KCNU1: variants seen among roughly 807,000 people sequenced by gnomAD.
The protein encoded by KCNU1 is potassium calcium-activated channel subfamily U member 1.
Under a neutral mutation model 126.8 loss-of-function variants are expected in KCNU1, and 93 were observed. The ratio of observed to expected loss-of-function variants is 0.73; its 90% confidence interval spans 0.62 to 0.87. The LOEUF is 0.87. KCNU1 is among the 40% of genes least tolerant of loss of function. The probability of loss-of-function intolerance (pLI) is 0.00; values close to 1 mark genes in which losing one functional copy is unlikely to be tolerated. For synonymous variants in KCNU1, 523 were observed against 494.2 expected (o/e 1.06, Z -0.77); for missense variants, 1,330 against 1,367.1 (o/e 0.97, Z 0.43).
At chr8:36,818,773 T>C (rs547155269) in intron 10 of KCNU1, among the ~76,000 whole-genome samples, 191 of 152,294 alleles carry the variant, frequency 1.3e-3, no homozygotes, top group Admixed American at 6.8e-3. Flanking sequence ...CATTATGACA[T>C]GTTCAATTCA....
intron 18 of KCNU1, among the ~76,000 whole-genome samples, chr8:36,856,335 A>G (rs901614510): frequency 1.3e-5 from 2 of 151,954 alleles, no homozygotes; most frequent in African/African-American, 4.8e-5. Flanking sequence ...GTTAATTTTC[A>G]TGTCTCATGC....
chr8:36,922,382 G>C (rs944711829), intron 23 of KCNU1, 108 bp from the exon 24 acceptor site: 1 of 1,175,334 alleles, frequency 8.5e-7, no homozygotes, highest in Non-Finnish European at 1.2e-6. Context: ...CCCCAAAGTA[G>C]ACATCAGATC....
rs538088480 is a variant in KCNU1, at chr8:36,814,154, ATCT to A, written c.733-49_733-47del. On this transcript the variant is annotated intron_variant, in intron 7 of 26. Transcript: ENST00000399881. ...CTAATGTTTTGCCTATTCTTTAAAA[ATCT>A]TCTCTTGGATTCTATTCAGATGTTT... 275 of 1,428,724 alleles carry A rather than the reference ATCT, an allele frequency of 1.9e-4. 1 individual carries two copies. Among genetic ancestry groups the A allele is most frequent in the Admixed American group, 1.6e-3 (83 of 53,334 alleles). 88.5% of individuals were successfully genotyped at this position (1,428,724 alleles called of 1,614,324 possible). A position where few individuals can be genotyped will look rare whatever the true frequency, so the allele number is the denominator to read the frequency against.
chr8:36,841,419 T>A (rs1314075807), intron 16 of KCNU1, among the ~76,000 whole-genome samples: 2 of 152,170 alleles, frequency 1.3e-5, no homozygotes, highest in Non-Finnish European at 2.9e-5. Flanking sequence ...ATGCTGGGCA[T>A]GGTGGCTCAT....
intron 23 of KCNU1, 125 bp from the exon 24 acceptor site, chr8:36,922,363 CCA>C: frequency 2.1e-6 from 2 of 972,248 alleles, no homozygotes; most frequent in East Asian, 5.1e-5. Context: ...GGGGTTGATC[CCA>C]CAGAGACCCC....
chr8:36,790,580 G>A (rs1336976871), intron 2 of KCNU1, among the ~76,000 whole-genome samples: 1 of 151,976 alleles, frequency 6.6e-6, no homozygotes, highest in Non-Finnish European at 1.5e-5. Context: ...AATTAATTTT[G>A]AAAACTGGAT....
chr8:36,836,263 C>T (rs772810739), intron 12 of KCNU1, 33 bp from the exon 13 acceptor site: 7 of 1,384,728 alleles, frequency 5.1e-6, no homozygotes, highest in Non-Finnish European at 7.2e-6. Flanking sequence ...GGCTATGACA[C>T]ATGACTAATG....
chr8:36,788,622 T>C (rs1415042931), intron 2 of KCNU1, among the ~76,000 whole-genome samples: 1 of 152,194 alleles, frequency 6.6e-6, no homozygotes, highest in African/African-American at 2.4e-5. Context: ...GTTGGAAGTA[T>C]TAAGTAAAAC....
chr8:36,922,591 G>GT lies in KCNU1; in HGVS notation c.2704dup (p.Ser902PhefsTer40), dbSNP rs1176657152. The GT allele has an allele frequency of 1.2e-6, 2 of 1,613,488 alleles. No homozygotes were observed. Among genetic ancestry groups the GT allele is most frequent in the Admixed American group, 1.7e-5 (1 of 59,940 alleles). ...CAGCACTGCCTTTTCTACGGGCACT[G>GT]TTTTTTCCGGCAGCTTCTTGGATTC... On this transcript the variant is annotated frameshift_variant, in exon 24 of 27. Transcript: ENST00000399881. LOFTEE classifies it high-confidence loss of function.
At chr8:36,927,495 C>T (rs562353551) in intron 24 of KCNU1, among the ~76,000 whole-genome samples, 40 of 152,160 alleles carry the variant, frequency 2.6e-4, no homozygotes, top group Non-Finnish European at 4.9e-4. Context: ...GGAGCACTTT[C>T]CCTTACTTCT....
At position 36,918,947 on chromosome 8, in the gene KCNU1, A is replaced by G. The variant is rs373728552; in HGVS notation, c.2596+50A>G. The G allele has an allele frequency of 1.7e-5, 19 of 1,136,376 alleles. No homozygotes were observed. In the African/African-American group the frequency reaches 2.9e-4, roughly 17 times the overall value. 70.4% of individuals were successfully genotyped at this position (1,136,376 alleles called of 1,614,324 possible). On this transcript the variant is annotated intron_variant, in intron 23 of 26. Transcript: ENST00000399881. ...TTCAATGGAGAAATTTTTGTGATAT[A>G]TAATTTATGTTCCAAGGATCTTTTT...
At chr8:36,897,700 T>C (rs1807252822) in intron 19 of KCNU1, among the ~76,000 whole-genome samples, 1 of 152,072 alleles carries the variant, frequency 6.6e-6, no homozygotes, top group Non-Finnish European at 1.5e-5. Context: ...CCTGCACTTC[T>C]ACGGCCCACT....
chr8:36,800,151 A>G (rs904574254), intron 2 of KCNU1, among the ~76,000 whole-genome samples: 1 of 152,156 alleles, frequency 6.6e-6, no homozygotes, highest in African/African-American at 2.4e-5. Context: ...GTCATTCCAT[A>G]TACTTTCTTT....
intron 21 of KCNU1, among the ~76,000 whole-genome samples, chr8:36,910,319 G>T (rs943151074): frequency 6.6e-6 from 1 of 152,074 alleles, no homozygotes; most frequent in Non-Finnish European, 1.5e-5. Flanking sequence ...TTTTTAAAAA[G>T]CCACTGTAAG....
At chr8:36,871,876 C>G (rs1806115514) in intron 19 of KCNU1, among the ~76,000 whole-genome samples, 1 of 152,116 alleles carries the variant, frequency 6.6e-6, no homozygotes, top group Admixed American at 6.6e-5. Context: ...CATTTATAAT[C>G]TCCTAAAAGG....
intron 18 of KCNU1, among the ~76,000 whole-genome samples, chr8:36,847,282 A>G (rs1805184822): frequency 6.6e-6 from 1 of 152,194 alleles, no homozygotes; most frequent in Non-Finnish European, 1.5e-5. Flanking sequence ...ATATTTTGAT[A>G]TAGATATACA....
chr8:36,860,638 G>A (rs1260519654), intron 18 of KCNU1, among the ~76,000 whole-genome samples: 1 of 152,148 alleles, frequency 6.6e-6, no homozygotes, highest in Admixed American at 6.5e-5. Context: ...AGAGTAGAGG[G>A]AATGGGCAAT....
chr8:36,908,569 A>C (rs7459475), intron 20 of KCNU1, among the ~76,000 whole-genome samples: 55,591 of 140,568 alleles, frequency 0.4, 10,839 homozygotes, highest in Admixed American at 0.46. Context: ...TCATTCTGAG[A>C]AAACTATCGC....
intron 22 of KCNU1, among the ~76,000 whole-genome samples, chr8:36,913,042 A>G (rs141683097): frequency 8.5e-4 from 129 of 151,264 alleles, no homozygotes; most frequent in African/African-American, 3.1e-3. Flanking sequence ...AACTGACAAC[A>G]CCATAAGTCA....
Sources: gnomAD v4.1 joint callset for allele counts (sites outside exome capture counted in the v4.1 genomes callset) on GRCh38, gnomAD v4.1.1 for gene constraint, MANE v1.5 for transcripts, NCBI Gene and HGNC (gene_info 2026-07-23, HGNC 2026-07-21) for gene names.